The following DCLK2 variants were observed in gnomAD, a reference collection of about 807,000 sequenced individuals.
DCLK2 encodes the protein doublecortin like kinase 2.
A neutral mutation model predicts 78.4 loss-of-function variants in DCLK2; 31 were observed. The observed-to-expected ratio is 0.40, with a 90% CI of 0.30 to 0.53. The LOEUF (loss-of-function observed/expected upper bound fraction) is 0.53, where lower values mean the gene tolerates loss of function less well. DCLK2 is among the 20% of genes least tolerant of loss of function. The pLI is 0.61. For missense variants in DCLK2, 872 were observed against 973.7 expected, an observed-to-expected ratio of 0.90 and a Z score of 1.39; for synonymous variants, 407 against 374.9, an observed-to-expected ratio of 1.09 and a Z score of -0.99.
intron 3 of DCLK2, among the ~76,000 whole-genome samples, chr4:150,195,276 ATATTATATATTATATTATATATTATATAT>A: frequency 2.0e-4 from 1 of 4,980 alleles, no homozygotes; most frequent in African/African-American, 4.8e-4. Context: ...ATTATATATT[ATATTATATATTATATTATATATTATATAT>A]TATATTATAT....
chr4:150,244,335 T>C (rs150381331), intron 12 of DCLK2, among the ~76,000 whole-genome samples: 2 of 152,336 alleles, frequency 1.3e-5, no homozygotes, highest in East Asian at 3.9e-4. Flanking sequence ...TAAGCAAGTC[T>C]GCTCTTAGGG....
intron 1 of DCLK2, among the ~76,000 whole-genome samples, chr4:150,101,301 C>G (rs1025568187): frequency 6.6e-6 from 1 of 152,096 alleles, no homozygotes; most frequent in Non-Finnish European, 1.5e-5. Context: ...TATGCCTTAT[C>G]TGTCACTGAA....
chr4:150,123,597 A>G (rs948993526), intron 2 of DCLK2, among the ~76,000 whole-genome samples: 1 of 152,226 alleles, frequency 6.6e-6, no homozygotes, highest in African/African-American at 2.4e-5. Flanking sequence ...AGGCCGTTGG[A>G]AAAATGATGC....
At chr4:150,084,203 C>T (rs1446814336) in intron 1 of DCLK2, among the ~76,000 whole-genome samples, 1 of 152,176 alleles carries the variant, frequency 6.6e-6, no homozygotes, top group Non-Finnish European at 1.5e-5. Flanking sequence ...TTGCACTCAA[C>T]TGAGAGAAGC....
chr4:150,243,291 T>C (rs1743062150), intron 12 of DCLK2, among the ~76,000 whole-genome samples: 1 of 152,190 alleles, frequency 6.6e-6, no homozygotes, highest in South Asian at 2.1e-4. Flanking sequence ...AAGCAGGTCA[T>C]AGACCTCCAG....
intron 1 of DCLK2, among the ~76,000 whole-genome samples, chr4:150,092,125 A>G (rs1730125611): frequency 6.6e-6 from 1 of 152,124 alleles, no homozygotes; most frequent in African/African-American, 2.4e-5. Flanking sequence ...ATGTTGTTGC[A>G]TATGGCAGAA....
intron 2 of DCLK2, 46 bp from the exon 3 acceptor site, chr4:150,193,092 T>A (rs1738591919): frequency 8.4e-7 from 1 of 1,197,466 alleles, no homozygotes; most frequent in Non-Finnish European, 1.2e-6. Flanking sequence ...TTCATTTCAC[T>A]TCTAATGTGT....
chr4:150,114,004 A>G (rs1731884379), intron 2 of DCLK2, among the ~76,000 whole-genome samples: 1 of 152,198 alleles, frequency 6.6e-6, no homozygotes. Flanking sequence ...TGTTAACTCA[A>G]AAATTATTCA....
intron 5 of DCLK2, among the ~76,000 whole-genome samples, chr4:150,219,426 C>T (rs1316421199): frequency 2.0e-5 from 3 of 151,872 alleles, no homozygotes; most frequent in Non-Finnish European, 4.4e-5. Flanking sequence ...CACGCCTGGG[C>T]GATTTTGTAT....
intron 1 of DCLK2, among the ~76,000 whole-genome samples, chr4:150,080,792 C>T (rs565041057): frequency 2.0e-5 from 3 of 152,296 alleles, no homozygotes; most frequent in Admixed American, 2.0e-4. Context: ...TCTATTTAGT[C>T]AGAAGTTTTT....
At chr4:150,199,130 T>G in intron 4 of DCLK2, 2 of 1,492,720 alleles carry the variant, frequency 1.3e-6, no homozygotes, top group South Asian at 2.4e-5. Context: ...TTGTTTTTGT[T>G]TTTTGCCACT....
intron 2 of DCLK2, among the ~76,000 whole-genome samples, chr4:150,154,329 C>T (rs1019757896): frequency 2.0e-5 from 3 of 152,202 alleles, no homozygotes; most frequent in African/African-American, 7.2e-5. Flanking sequence ...TTCACGTCAA[C>T]AGCATTAACA....
chr4:150,252,261 C>T (rs1038735849), intron 15 of DCLK2, among the ~76,000 whole-genome samples: 4 of 152,184 alleles, frequency 2.6e-5, no homozygotes, highest in African/African-American at 7.2e-5. Context: ...AAGGCAGCTT[C>T]TTGGAAAATT....
At chr4:150,157,634 T>C (rs1163525319) in intron 2 of DCLK2, among the ~76,000 whole-genome samples, 2 of 151,756 alleles carry the variant, frequency 1.3e-5, no homozygotes, top group Non-Finnish European at 2.9e-5. Context: ...TGCCTCAACC[T>C]CCCCAGTAGC....
At chr4:150,217,820 G>T (rs1167275207) in intron 5 of DCLK2, among the ~76,000 whole-genome samples, 2 of 151,984 alleles carry the variant, frequency 1.3e-5, no homozygotes, top group Non-Finnish European at 2.9e-5. Context: ...AAACATATTT[G>T]GTTAAGTAAT....
chr4:150,095,195 A>C (rs570576990), intron 1 of DCLK2, among the ~76,000 whole-genome samples: 91 of 152,304 alleles, frequency 6.0e-4, no homozygotes, highest in African/African-American at 2.1e-3. Flanking sequence ...TAGTCATGTC[A>C]AGAAATAGAA....
chr4:150,102,805 G>A lies in DCLK2; in HGVS notation c.749G>A (p.Gly250Glu). ...GVVKRLCTLD[G>E]KQVTCLQDFF... Reference sequence around the variant, plus strand: ...GTCAAGAGGCTCTGCACCCTGGATGGAAAGCAGGTAAGATGCTTCTAGCTC... The same window carrying A: ...GTCAAGAGGCTCTGCACCCTGGATGAAAAGCAGGTAAGATGCTTCTAGCTC... The change falls in exon 2 of 16, where the codon GGA (glycine) becomes GAA (glutamate). Residue 250 changes from glycine to glutamate, a missense_variant. Gly to Glu is a moderately conservative substitution (Grantham distance 98). Coordinates refer to ENST00000296550, the MANE Select transcript of DCLK2 (RefSeq NM_001040260.4). The A allele has an allele frequency of 6.2e-7, 1 of 1,601,866 alleles. No individual in the cohort carries two copies. The highest frequency in any genetic ancestry group is 1.1e-5 in the South Asian group (1 of 89,638).
chr4:150,171,553 A>G (rs920245993), intron 2 of DCLK2, among the ~76,000 whole-genome samples: 8 of 152,242 alleles, frequency 5.3e-5, no homozygotes, highest in African/African-American at 1.7e-4. Flanking sequence ...CATTTAGAAA[A>G]AGGTCAAAAT....
At chr4:150,143,640 C>A (rs779531912) in intron 2 of DCLK2, among the ~76,000 whole-genome samples, 12 of 152,272 alleles carry the variant, frequency 7.9e-5, no homozygotes, top group Non-Finnish European at 1.6e-4. Context: ...ATTCTGTTTT[C>A]CATACAGGTT....
Sources: allele counts gnomAD v4.1 joint callset (sites outside exome capture counted in the v4.1 genomes callset), GRCh38; gene constraint gnomAD v4.1.1; transcripts MANE v1.5; gene names NCBI Gene and HGNC (gene_info 2026-07-23, HGNC 2026-07-21).